CMSS1: variants seen among roughly 807,000 people sequenced by gnomAD.
CMSS1 encodes the protein protein CMSS1.
CMSS1 carries 33 observed loss-of-function variants against 43.5 expected under a neutral mutation model. That is an observed-to-expected ratio of 0.76 (90% CI 0.57 to 1.01). The LOEUF (loss-of-function observed/expected upper bound fraction) is 1.01, where lower values mean the gene tolerates loss of function less well. Ranked by LOEUF, CMSS1 falls within the 50% of genes least tolerant of loss-of-function variation. CMSS1 has a pLI of 0.00. For missense variants in CMSS1, 313 were observed against 326.4 expected (o/e 0.96, Z 0.32); for synonymous variants, 115 against 117.2 (o/e 0.98, Z 0.12).
chr3:100,041,134 T>C (rs2065198630), intron 1 of CMSS1: 1 of 152,204 alleles, frequency 6.6e-6, no homozygotes, highest in African/African-American at 2.4e-5. Flanking sequence ...AGCTCAGATA[T>C]AGCTAAATGC....
intron 1 of CMSS1, among the ~76,000 whole-genome samples, chr3:99,957,527 A>G (rs1708355713): frequency 6.6e-6 from 1 of 151,984 alleles, no homozygotes; most frequent in South Asian, 2.1e-4. Context: ...GACATCTTTT[A>G]AGGAACAAAA....
intron 1 of CMSS1, among the ~76,000 whole-genome samples, chr3:100,060,839 G>A (rs932629493): frequency 1.2e-4 from 18 of 152,080 alleles, no homozygotes. Context: ...TCCATCCTGG[G>A]CAATAGAGCC....
At chr3:100,110,035 A>G (rs1052991002) in intron 1 of CMSS1, 4 of 151,712 alleles carry the variant, frequency 2.6e-5, no homozygotes, top group African/African-American at 9.7e-5. Flanking sequence ...GTCATCTGAA[A>G]TAGAACCAGC....
chr3:100,128,597 A>G (rs1314036040), intron 1 of CMSS1, among the ~76,000 whole-genome samples: 1 of 152,224 alleles, frequency 6.6e-6, no homozygotes, highest in Non-Finnish European at 1.5e-5. Context: ...ACCAAGACCT[A>G]GAACATTTTC....
intron 1 of CMSS1, among the ~76,000 whole-genome samples, chr3:100,018,203 GTAA>G (rs1415362142): frequency 1.3e-5 from 2 of 152,168 alleles, no homozygotes; most frequent in Non-Finnish European, 2.9e-5. Context: ...GCATGTCCCT[GTAA>G]TCCCAGCTAC....
chr3:100,050,534 T>C lies in CMSS1; in HGVS notation c.65-96439T>C, dbSNP rs139658360. 2.4e-3 allele frequency among the ~76,000 whole-genome samples: 369 copies of C among 152,272 alleles called. 1 individual carries two copies. Among genetic ancestry groups the C allele is most frequent in the African/African-American group, 8.3e-3 (347 of 41,564 alleles). ...TTCCCACAATTTGTTTGTTTATTTG[T>C]TTATTTGTTTGTTTTGAGACAGAGT... is the stretch of plus-strand genomic sequence containing the variant. On this transcript the variant is annotated intron_variant, in intron 1 of 9. Coordinates refer to ENST00000421999, the MANE Select transcript of CMSS1 (RefSeq NM_032359.4).
intron 1 of CMSS1, among the ~76,000 whole-genome samples, chr3:99,820,218 C>T (rs1942408809): frequency 6.7e-6 from 1 of 148,626 alleles, no homozygotes; most frequent in African/African-American, 2.5e-5. Context: ...TTTTTTGAGA[C>T]GAAGTCTCAC....
intron 1 of CMSS1, among the ~76,000 whole-genome samples, chr3:99,922,284 T>C (rs1266042894): frequency 1.3e-5 from 2 of 152,246 alleles, no homozygotes; most frequent in Admixed American, 1.3e-4. Flanking sequence ...AAAATAATGT[T>C]TAATATAACA....
At chr3:100,139,569 G>GTA (rs1255582123) in intron 1 of CMSS1, among the ~76,000 whole-genome samples, 7 of 133,896 alleles carry the variant, frequency 5.2e-5, no homozygotes, top group Non-Finnish European at 9.6e-5. Context: ...GTGTGTGTAT[G>GTA]TATATATATG....
chr3:100,150,408 A>G (rs2066896714), intron 2 of CMSS1, among the ~76,000 whole-genome samples: 2 of 152,162 alleles, frequency 1.3e-5, no homozygotes, highest in African/African-American at 4.8e-5. Flanking sequence ...AGACTGTACT[A>G]TTCCTTCAGT....
At chr3:100,107,420 A>G (rs2066413694) in intron 1 of CMSS1, among the ~76,000 whole-genome samples, 1 of 152,118 alleles carries the variant, frequency 6.6e-6, no homozygotes, top group African/African-American at 2.4e-5. Context: ...GAATTTCTGA[A>G]CACTTTGTTT....
At chr3:100,112,223 A>C (rs549710785) in intron 1 of CMSS1, among the ~76,000 whole-genome samples, 11 of 152,362 alleles carry the variant, frequency 7.2e-5, no homozygotes, top group Admixed American at 7.2e-4. Flanking sequence ...TTTTAATGTA[A>C]CATATTAGAA....
At chr3:100,116,528 A>G (rs1184304202) in intron 1 of CMSS1, among the ~76,000 whole-genome samples, 2 of 152,176 alleles carry the variant, frequency 1.3e-5, no homozygotes, top group African/African-American at 2.4e-5. Context: ...ACCTCCATCC[A>G]TTATGGAAAA....
chr3:100,162,179 C>T, intron 3 of CMSS1, 124 bp from the exon 4 acceptor site: 2 of 654,212 alleles, frequency 3.1e-6, no homozygotes, highest in Non-Finnish European at 5.0e-6. Context: ...TTATTAAAAC[C>T]CACATTCACA....
intron 1 of CMSS1, among the ~76,000 whole-genome samples, chr3:100,136,523 A>C (rs983923675): frequency 6.6e-6 from 1 of 152,180 alleles, no homozygotes. Flanking sequence ...CTCTCCTTCA[A>C]TGAATTCCTC....
chr3:99,946,077 G>A (rs1196065104), intron 1 of CMSS1, among the ~76,000 whole-genome samples: 13 of 152,230 alleles, frequency 8.5e-5, no homozygotes. Context: ...TGGTTCATCA[G>A]ATAATATATG....
At position 99,819,757 on chromosome 3, in the gene CMSS1, C is replaced by CT. The variant is rs551286788; in HGVS notation, c.64+1729dup. Among the ~76,000 whole-genome samples the CT allele has an allele frequency of 7.7e-3, 1,049 of 135,956 alleles. 4 individuals are homozygous for CT. The highest frequency in any genetic ancestry group is 9.3e-3 in the Non-Finnish European group (579 of 62,410). 89.2% of individuals were successfully genotyped at this position (135,956 alleles called of 152,430 possible). On this transcript the variant is annotated intron_variant, in intron 1 of 9. Coordinates refer to ENST00000421999, the MANE Select transcript of CMSS1 (RefSeq NM_032359.4). ...TTTACCAACCAACAGTTTTTTTTTT[C>CT]TTTTTTTTTTTTTTTGACACGGAGT...
At chr3:99,871,999 A>G (rs1944812488) in intron 1 of CMSS1, among the ~76,000 whole-genome samples, 1 of 151,656 alleles carries the variant, frequency 6.6e-6, no homozygotes, top group Admixed American at 6.6e-5. Context: ...TTCTTTTTTT[A>G]ATGGATTTTA....
chr3:99,862,645 A>G (rs1944319449), intron 1 of CMSS1, among the ~76,000 whole-genome samples: 1 of 152,186 alleles, frequency 6.6e-6, no homozygotes, highest in African/African-American at 2.4e-5. Context: ...CCAGACAACT[A>G]CTGAATGTCT....
Sources: gnomAD v4.1 joint callset for allele counts (sites outside exome capture counted in the v4.1 genomes callset) on GRCh38, gnomAD v4.1.1 for gene constraint, MANE v1.5 for transcripts, NCBI Gene and HGNC (gene_info 2026-07-23, HGNC 2026-07-21) for gene names.